The following RIT2 variants were observed in gnomAD, a reference collection of about 807,000 sequenced individuals.
RIT2 encodes Ras like without CAAX 2, also known as GTP-binding protein Rit2.
RIT2 carries 24 observed loss-of-function variants against 23.7 expected under a neutral mutation model. That is an observed-to-expected ratio of 1.01 (90% CI 0.73 to 1.43). RIT2 has a LOEUF of 1.43. Among genes scored for constraint, RIT2 ranks in the 40% most tolerant of loss-of-function variants. The pLI is 0.00. For synonymous variants in RIT2, 107 were observed against 91.1 expected (o/e 1.17, Z -0.99); for missense variants, 236 against 266.9 (o/e 0.88, Z 0.81).
At chr18:42,986,604 C>T (rs372107919) in intron 2 of RIT2, among the ~76,000 whole-genome samples, 3 of 151,950 alleles carry the variant, frequency 2.0e-5, no homozygotes, top group Admixed American at 6.6e-5. Context: ...TGGGTTCAAG[C>T]GATTCTCATG....
In RIT2 at chr18:42,903,055, A is replaced by C. The variant is rs995970320; in HGVS notation, c.426+20517T>G. Among the ~76,000 whole-genome samples the C allele has an allele frequency of 3.3e-5, 5 of 152,128 alleles. 1 individual carries two copies. Among genetic ancestry groups the C allele is most frequent in the African/African-American group, 1.2e-4 (5 of 41,582 alleles). ...GAGGAGGCATAAAAATAGTAGAAAA[A>C]GAAGTAATTCTGGATATTCAAACGT... On this transcript the variant is annotated intron_variant, in intron 4 of 4. Transcript: ENST00000326695.
chr18:42,942,176 CACTT>C (rs1250307804), intron 3 of RIT2, among the ~76,000 whole-genome samples: 2 of 151,798 alleles, frequency 1.3e-5, no homozygotes, highest in Non-Finnish European at 2.9e-5. Flanking sequence ...TAGAAATAAT[CACTT>C]AGACCCTAGA....
At position 42,819,163 on chromosome 18, in the gene RIT2, T is replaced by G. The variant is rs372521512; in HGVS notation, c.427-75443A>C. ...TAAATGTTTCTCTTTCTGCCTTATATAATAAGATGTTACAGTTGAAATTGG... is the reference window on the plus strand; with the variant it reads ...TAAATGTTTCTCTTTCTGCCTTATAGAATAAGATGTTACAGTTGAAATTGG... On this transcript the variant is annotated intron_variant, in intron 4 of 4. Transcript: ENST00000326695. 3.9e-5 allele frequency among the ~76,000 whole-genome samples: 6 copies of G among 152,070 alleles called. No individual in the cohort carries two copies. The East Asian group carries it at 5.8e-4, about 15-fold the overall frequency.
At chr18:42,919,116 A>G (rs940873852) in intron 4 of RIT2, among the ~76,000 whole-genome samples, 8 of 152,166 alleles carry the variant, frequency 5.3e-5, no homozygotes, top group Admixed American at 6.6e-5. Context: ...ACTATATTCC[A>G]AAACCATCAC....
At chr18:42,784,228 C>A (rs568093242) in intron 4 of RIT2, among the ~76,000 whole-genome samples, 3 of 151,456 alleles carry the variant, frequency 2.0e-5, no homozygotes, top group Admixed American at 6.6e-5. Flanking sequence ...TACATAAACC[C>A]TTCCTTGATG....
intron 2 of RIT2, among the ~76,000 whole-genome samples, chr18:43,008,343 T>G (rs1307889428): frequency 6.6e-6 from 1 of 151,324 alleles, no homozygotes; most frequent in Non-Finnish European, 1.5e-5. Flanking sequence ...GTGGGGAAAA[T>G]AATGGTAAAC....
chr18:43,000,755 T>C (rs1481777617), intron 2 of RIT2, among the ~76,000 whole-genome samples: 1 of 152,154 alleles, frequency 6.6e-6, no homozygotes, highest in African/African-American at 2.4e-5. Flanking sequence ...GTGCCTTTGC[T>C]TCCCTTTTGC....
intron 4 of RIT2, among the ~76,000 whole-genome samples, chr18:42,910,253 C>T (rs1035153223): frequency 2.0e-5 from 3 of 152,052 alleles, no homozygotes; most frequent in African/African-American, 7.2e-5. Context: ...CCTAATCTAT[C>T]AGTAATTATT....
intron 2 of RIT2, among the ~76,000 whole-genome samples, chr18:42,977,136 C>T (rs973838994): frequency 2.6e-5 from 4 of 152,032 alleles, no homozygotes; most frequent in Non-Finnish European, 5.9e-5. Context: ...AAACAGTTAT[C>T]TGGGCCTGAA....
At chr18:42,940,269 T>TATATGC (rs1555648056) in intron 3 of RIT2, among the ~76,000 whole-genome samples, 1 of 137,988 alleles carries the variant, frequency 7.2e-6, no homozygotes, top group African/African-American at 2.7e-5. Flanking sequence ...TATATATATA[T>TATATGC]GCACACACAC....
At chr18:43,080,963 C>T (rs1003828701) in intron 1 of RIT2, among the ~76,000 whole-genome samples, 3 of 152,118 alleles carry the variant, frequency 2.0e-5, no homozygotes, top group African/African-American at 7.2e-5. Flanking sequence ...AGGGATATAC[C>T]AGGATCCTGG....
chr18:43,064,977 C>T (rs952912797), intron 1 of RIT2, among the ~76,000 whole-genome samples: 11 of 151,750 alleles, frequency 7.2e-5, no homozygotes, highest in East Asian at 1.9e-4. Context: ...CCACCATGCC[C>T]GGCTAATTTT....
intron 4 of RIT2, among the ~76,000 whole-genome samples, chr18:42,806,290 A>G (rs1905682549): frequency 6.6e-6 from 1 of 151,664 alleles, no homozygotes; most frequent in Non-Finnish European, 1.5e-5. Flanking sequence ...CCAACATGGT[A>G]AAACCTCATC....
chr18:42,865,146 T>A lies in RIT2; in HGVS notation c.426+58426A>T, dbSNP rs548149691. 2.7e-4 allele frequency among the ~76,000 whole-genome samples: 41 copies of A among 152,290 alleles called. No homozygotes were observed. In the South Asian group the frequency reaches 8.3e-3, roughly 31 times the overall value. On this transcript the variant is annotated intron_variant, in intron 4 of 4. Coordinates refer to ENST00000326695, the MANE Select transcript of RIT2 (RefSeq NM_002930.4). ...CAGTATTATCTGTTCTTTGTAACAA[T>A]CCCTCACAACAAACTCTGGCATGCT... is the stretch of plus-strand genomic sequence containing the variant.
intron 1 of RIT2, among the ~76,000 whole-genome samples, chr18:43,057,009 T>G (rs1375115471): frequency 1.5e-5 from 2 of 129,112 alleles, no homozygotes; most frequent in African/African-American, 5.9e-5. Flanking sequence ...TTGTTCTTGT[T>G]CTGATGATCA....
At chr18:42,825,376 T>C (rs1906267095) in intron 4 of RIT2, among the ~76,000 whole-genome samples, 1 of 151,798 alleles carries the variant, frequency 6.6e-6, no homozygotes, top group Admixed American at 6.6e-5. Context: ...AGTGTCTTTA[T>C]GGTATAAGTT....
chr18:42,920,270 A>G (rs142730873), intron 4 of RIT2, among the ~76,000 whole-genome samples: 1 of 152,302 alleles, frequency 6.6e-6, no homozygotes, highest in East Asian at 1.9e-4. Context: ...GGCCAACCAT[A>G]AGACACAGTG....
At position 42,766,044 on chromosome 18, in the gene RIT2, T is replaced by C. The variant is rs151003062; in HGVS notation, c.427-22324A>G. On this transcript the variant is annotated intron_variant, in intron 4 of 4. Transcript: ENST00000326695. ...AACTGTAAGTCCAATTAAACCTCCC[T>C]TTGTTCCCAGTTTAGGTATGTCTTT... is the stretch of plus-strand genomic sequence containing the variant. 8.0e-3 allele frequency among the ~76,000 whole-genome samples: 1,215 copies of C among 152,294 alleles called. 6 individuals are homozygous for C. The highest frequency in any genetic ancestry group is 0.02 in the Middle Eastern group (6 of 294).
intron 2 of RIT2, among the ~76,000 whole-genome samples, chr18:43,024,989 C>T (rs567525464): frequency 5.3e-5 from 8 of 152,070 alleles, no homozygotes; most frequent in African/African-American, 1.7e-4. Flanking sequence ...AGACAGATCA[C>T]TTGAGGTCGG....
Sources: gnomAD v4.1 joint callset for allele counts (sites outside exome capture counted in the v4.1 genomes callset) on GRCh38, gnomAD v4.1.1 for gene constraint, MANE v1.5 for transcripts, NCBI Gene and HGNC (gene_info 2026-07-23, HGNC 2026-07-21) for gene names.